MYT1L: variants seen among roughly 807,000 people sequenced by gnomAD.
MYT1L encodes the protein myelin transcription factor 1 like.
A neutral mutation model predicts 126.7 loss-of-function variants in MYT1L; 12 were observed. That is an observed-to-expected ratio of 0.09 (90% CI 0.06 to 0.15). The LOEUF (loss-of-function observed/expected upper bound fraction) is 0.15, where lower values mean the gene tolerates loss of function less well. Ranked by LOEUF, MYT1L falls within the 10% of genes least tolerant of loss-of-function variation. The pLI, the probability that MYT1L is intolerant of heterozygous loss-of-function variation, is 1.00. For missense variants in MYT1L, 979 were observed against 1,585.2 expected (o/e 0.62, Z 6.49); for synonymous variants, 541 against 604.2 (o/e 0.90, Z 1.53).
At chr2:2,055,915 A>G (rs2069479508) in intron 3 of MYT1L, among the ~76,000 whole-genome samples, 3 of 152,270 alleles carry the variant, frequency 2.0e-5, no homozygotes, top group South Asian at 4.1e-4. Flanking sequence ...TGTTTTTTCT[A>G]TTCTTCAGTG....
chr2:1,973,915 C>T (rs1032494125), intron 8 of MYT1L, among the ~76,000 whole-genome samples: 9 of 152,360 alleles, frequency 5.9e-5, no homozygotes, highest in African/African-American at 1.9e-4. Context: ...CTCCACGGGG[C>T]CTTCCCAGCC....
rs974376024 is a variant in MYT1L at position 1,972,773 on chromosome 2, G to C, written c.152+6392C>G. 5.3e-5 allele frequency among the ~76,000 whole-genome samples: 8 copies of C among 152,374 alleles called. No homozygotes were observed. In the East Asian group the frequency reaches 1.2e-3, roughly 22 times the overall value. The stretch of plus-strand genomic sequence containing the variant: ...GGCAAGAGGCGTGCGGAATGGAGAG[G>C]GGGTCTGAGTGAGGGTGTGTGCCGC... On this transcript the variant is annotated intron_variant, in intron 8 of 24. Transcript: ENST00000647738.
At chr2:1,829,830 C>T (rs1034978811) in intron 21 of MYT1L, among the ~76,000 whole-genome samples, 1 of 151,816 alleles carries the variant, frequency 6.6e-6, no homozygotes, top group Non-Finnish European at 1.5e-5. Flanking sequence ...TGAATTGACC[C>T]TCCCATACAC....
At chr2:2,250,103 A>T in intron 2 of MYT1L, among the ~76,000 whole-genome samples, 1 of 152,170 alleles carries the variant, frequency 6.6e-6, no homozygotes, top group East Asian at 1.9e-4. Context: ...CACTATAGAG[A>T]ACAGTTTGAA....
chr2:1,878,616 G>A (rs1377236460), intron 18 of MYT1L, among the ~76,000 whole-genome samples: 2 of 152,142 alleles, frequency 1.3e-5, no homozygotes, highest in African/African-American at 4.8e-5. Context: ...GATCAAGAAT[G>A]CACTTCCTTA....
At chr2:1,882,057 G>A (rs528905334) in intron 18 of MYT1L, among the ~76,000 whole-genome samples, 57 of 152,220 alleles carry the variant, frequency 3.7e-4, no homozygotes, top group African/African-American at 1.2e-3. Context: ...TCTCACATCC[G>A]TAAAATGGGT....
chr2:1,813,899 C>T (rs7421464), intron 21 of MYT1L, among the ~76,000 whole-genome samples: 38,363 of 81,296 alleles, frequency 0.47, 10,697 homozygotes, highest in South Asian at 0.64. Context: ...TGGTAGCGGG[C>T]GCCTGTAGTC....
intron 18 of MYT1L, among the ~76,000 whole-genome samples, chr2:1,875,247 C>T (rs1005449014): frequency 4.6e-5 from 7 of 152,004 alleles, no homozygotes; most frequent in South Asian, 2.1e-4. Flanking sequence ...CATCCTGAGG[C>T]GGGAAACTGG....
At chr2:1,827,686 C>A (rs1037055975) in intron 21 of MYT1L, 3 of 152,206 alleles carry the variant, frequency 2.0e-5, no homozygotes, top group African/African-American at 7.2e-5. Context: ...CAACTGGAAC[C>A]TCCTGAGTGT....
chr2:2,253,199 G>C (rs905673534), intron 2 of MYT1L, among the ~76,000 whole-genome samples: 1 of 152,182 alleles, frequency 6.6e-6, no homozygotes, highest in East Asian at 1.9e-4. Flanking sequence ...CTGTGAGCCG[G>C]AGCGGGCTCC....
chr2:2,001,092 C>CAT (rs1158080212), intron 4 of MYT1L, among the ~76,000 whole-genome samples: 6 of 152,158 alleles, frequency 3.9e-5, no homozygotes, highest in African/African-American at 1.2e-4. Context: ...TGCCCCCATA[C>CAT]AACCTGAAAA....
chr2:2,168,397 G>A (rs1251816287), intron 3 of MYT1L, among the ~76,000 whole-genome samples: 2 of 152,200 alleles, frequency 1.3e-5, no homozygotes, highest in African/African-American at 4.8e-5. Context: ...GCACTTGTTA[G>A]GTGTGTTGGG....
At chr2:1,873,346 G>A (rs2148723956) in intron 18 of MYT1L, among the ~76,000 whole-genome samples, 1 of 152,202 alleles carries the variant, frequency 6.6e-6, no homozygotes, top group Non-Finnish European at 1.5e-5. Flanking sequence ...GGAATTAAAA[G>A]CTAAAGGCAG....
At chr2:1,799,726 T>TA (rs1170476691) in intron 23 of MYT1L, among the ~76,000 whole-genome samples, 7 of 152,216 alleles carry the variant, frequency 4.6e-5, no homozygotes, top group Non-Finnish European at 7.3e-5. Context: ...TACAACTTGA[T>TA]ATGGTTTGGC....
intron 3 of MYT1L, among the ~76,000 whole-genome samples, chr2:2,071,007 GTTAATAA>G (rs1196952994): frequency 6.6e-6 from 1 of 152,160 alleles, no homozygotes; most frequent in Non-Finnish European, 1.5e-5. Context: ...TAGTAGCTGT[GTTAATAA>G]TAGTGGGGAA....
intron 1 of MYT1L, among the ~76,000 whole-genome samples, chr2:2,318,281 T>C (rs2096102086): frequency 6.6e-6 from 1 of 152,222 alleles, no homozygotes; most frequent in Non-Finnish European, 1.5e-5. Context: ...TAATTCCACA[T>C]TTAATATACA....
At chr2:1,863,654 AG>A (rs533294756) in intron 18 of MYT1L, among the ~76,000 whole-genome samples, 86 of 136,136 alleles carry the variant, frequency 6.3e-4, no homozygotes, top group African/African-American at 2.1e-3. Context: ...CGACCCCAGG[AG>A]GGATAGAAAC....
At chr2:2,284,311 TA>T (rs2095487368) in intron 2 of MYT1L, 92 bp downstream of exon 2, 1 of 152,136 alleles carries the variant, frequency 6.6e-6, no homozygotes, top group African/African-American at 2.4e-5. Flanking sequence ...GCCCGAATTC[TA>T]AATCAGTCAT....
At chr2:1,974,461 A>G (rs1465710785) in intron 8 of MYT1L, 2 of 152,226 alleles carry the variant, frequency 1.3e-5, no homozygotes, top group Non-Finnish European at 2.9e-5. Flanking sequence ...ATATGCTAAT[A>G]TCACAAGACA....
Sources: gnomAD v4.1 joint callset for allele counts (sites outside exome capture counted in the v4.1 genomes callset) on GRCh38, gnomAD v4.1.1 for gene constraint, MANE v1.5 for transcripts, NCBI Gene and HGNC (gene_info 2026-07-23, HGNC 2026-07-21) for gene names.